Variants in MYO3A observed in about 807,000 individuals in gnomAD.
MYO3A encodes myosin IIIA, also known as myosin-IIIa.
Under a neutral mutation model 192.7 loss-of-function variants are expected in MYO3A, and 180 were observed. That is an observed-to-expected ratio of 0.93 (90% CI 0.83 to 1.06). The LOEUF (loss-of-function observed/expected upper bound fraction) is 1.06. Among genes scored for constraint, MYO3A ranks in the 50% least tolerant of loss-of-function variants. The pLI is 0.00. For missense variants in MYO3A, 1,896 were observed against 1,905.0 expected (o/e 1.00, Z 0.09); for synonymous variants, 628 against 645.3 (o/e 0.97, Z 0.41).
At chr10:26,021,775 G>A (rs1049496422) in intron 8 of MYO3A, 127 bp downstream of exon 8, 1 of 1,285,838 alleles carries the variant, frequency 7.8e-7, no homozygotes, top group African/African-American at 1.5e-5. Flanking sequence ...GAAGATCCTG[G>A]AATATTATTC....
chr10:25,993,232 A>T (rs185332854), intron 4 of MYO3A, among the ~76,000 whole-genome samples: 4,045 of 151,992 alleles, frequency 0.027, 82 homozygotes, highest in Middle Eastern at 0.054. Flanking sequence ...CCTGGTTTAG[A>T]CTTGGGAGGG....
At chr10:26,123,442 A>C (rs1588995870) in intron 18 of MYO3A, among the ~76,000 whole-genome samples, 1 of 152,214 alleles carries the variant, frequency 6.6e-6, no homozygotes, top group East Asian at 1.9e-4. Context: ...ATATGGAAGA[A>C]AAAAGTATTC....
intron 31 of MYO3A, among the ~76,000 whole-genome samples, chr10:26,180,291 A>G (rs937522566): frequency 2.0e-5 from 3 of 152,252 alleles, no homozygotes; most frequent in Non-Finnish European, 4.4e-5. Context: ...AACAGTTTTC[A>G]GTAAAATCCA....
intron 14 of MYO3A, among the ~76,000 whole-genome samples, chr10:26,081,133 T>TCTTCCCCCCCCCCCCC (rs1835904293): frequency 1.2e-5 from 1 of 84,940 alleles, no homozygotes; most frequent in Non-Finnish European, 2.5e-5. Flanking sequence ...TATATGCCCT[T>TCTTCCCCCCCCCCCCC]CCCCCCCCCC....
chr10:26,144,881 G>GT (rs886201536), intron 21 of MYO3A, among the ~76,000 whole-genome samples: 23 of 152,178 alleles, frequency 1.5e-4, no homozygotes, highest in African/African-American at 4.8e-4. Flanking sequence ...CACAACCTGT[G>GT]TTATAAACCC....
chr10:26,132,766 T>A (rs767461347), intron 20 of MYO3A, among the ~76,000 whole-genome samples: 7 of 152,168 alleles, frequency 4.6e-5, no homozygotes, highest in Non-Finnish European at 1.0e-4. Context: ...GAACTGAATG[T>A]CAGAAGTAGT....
intron 2 of MYO3A, among the ~76,000 whole-genome samples, chr10:25,937,302 C>T (rs1031245570): frequency 6.6e-6 from 1 of 152,188 alleles, no homozygotes; most frequent in Admixed American, 6.5e-5. Context: ...TCCTGCTTCA[C>T]TCATATATTT....
intron 17 of MYO3A, among the ~76,000 whole-genome samples, chr10:26,113,959 G>A (rs1479195717): frequency 6.6e-6 from 1 of 152,166 alleles, no homozygotes; most frequent in Admixed American, 6.5e-5. Context: ...TTGAACCTAA[G>A]AATAGAGAAC....
In MYO3A at chr10:26,212,209, C is replaced by T. The variant is rs12261671; in HGVS notation, c.*246C>T. The T allele has an allele frequency of 8.4e-3, 4,524 of 539,526 alleles. 164 individuals carry two copies. Among genetic ancestry groups the T allele is most frequent in the African/African-American group, 0.071 (3,787 of 53,156 alleles). The allele number at this position is 539,526 out of a possible 1,614,324, so 33.4% of individuals were successfully genotyped here. A position where few individuals can be genotyped will look rare whatever the true frequency, so the allele number is the denominator to read the frequency against. On this transcript the variant is annotated 3_prime_UTR_variant, in exon 35 of 35. Transcript: ENST00000642920. Reference sequence around the variant, plus strand: ...TCTCGGAACTCCCGCACCCTCCTTTCTCACCAGCCCGCCAGTTGTGGCAAC... The same window carrying T: ...TCTCGGAACTCCCGCACCCTCCTTTTTCACCAGCCCGCCAGTTGTGGCAAC...
intron 4 of MYO3A, among the ~76,000 whole-genome samples, chr10:25,992,342 A>G (rs963554662): frequency 6.6e-6 from 1 of 152,160 alleles, no homozygotes; most frequent in African/African-American, 2.4e-5. Context: ...AATGCTTGTG[A>G]TTTTTGCACA....
At chr10:25,964,607 C>T (rs1193896422) in intron 4 of MYO3A, among the ~76,000 whole-genome samples, 1 of 152,072 alleles carries the variant, frequency 6.6e-6, no homozygotes. Flanking sequence ...TTTGGTCTTT[C>T]TACATAGGAT....
At chr10:25,994,835 G>GC (rs1385794119) in intron 4 of MYO3A, among the ~76,000 whole-genome samples, 1 of 152,094 alleles carries the variant, frequency 6.6e-6, no homozygotes, top group Non-Finnish European at 1.5e-5. Context: ...TTGAATATTG[G>GC]CCCCCACTCT....
chr10:26,164,942 G>A (rs1841665975), intron 26 of MYO3A, among the ~76,000 whole-genome samples: 1 of 152,186 alleles, frequency 6.6e-6, no homozygotes, highest in Non-Finnish European at 1.5e-5. Flanking sequence ...GTCCTGAAGT[G>A]AGCAGGCCTA....
chr10:26,021,699 C>G (rs1264896358), intron 8 of MYO3A, 51 bp downstream of exon 8: 1 of 1,603,860 alleles, frequency 6.2e-7, no homozygotes, highest in Non-Finnish European at 8.5e-7. Context: ...TTACTTCCTC[C>G]AGCCACCAAG....
intron 17 of MYO3A, among the ~76,000 whole-genome samples, chr10:26,108,036 T>TAATA (rs1482999603): frequency 6.6e-6 from 1 of 152,232 alleles, no homozygotes; most frequent in Non-Finnish European, 1.5e-5. Flanking sequence ...CCCCAAGTAA[T>TAATA]AAACACTTCC....
chr10:26,056,650 A>G (rs896600360), intron 10 of MYO3A, among the ~76,000 whole-genome samples: 7 of 150,646 alleles, frequency 4.6e-5, no homozygotes, highest in African/African-American at 1.7e-4. Context: ...TGGCATTATT[A>G]CTGAGAAATA....
At chr10:26,125,673 G>GATCTA in intron 19 of MYO3A, 65 bp downstream of exon 19, 4 of 1,350,256 alleles carry the variant, frequency 3.0e-6, no homozygotes, top group Non-Finnish European at 4.2e-6. Context: ...CTTTCTAATT[G>GATCTA]ATTGTTTTGT....
chr10:26,072,846 C>T (rs1409298789), intron 14 of MYO3A, among the ~76,000 whole-genome samples: 1 of 152,188 alleles, frequency 6.6e-6, no homozygotes, highest in African/African-American at 2.4e-5. Context: ...TACAACCTAG[C>T]AGTTTTACTG....
chr10:26,000,392 A>C (rs544322030), intron 6 of MYO3A, among the ~76,000 whole-genome samples: 19 of 152,134 alleles, frequency 1.2e-4, no homozygotes, highest in Non-Finnish European at 2.4e-4. Flanking sequence ...CTGAGGCATC[A>C]CTCTGTTTGG....
Sources: gnomAD v4.1 joint callset for allele counts (sites outside exome capture counted in the v4.1 genomes callset) on GRCh38, gnomAD v4.1.1 for gene constraint, MANE v1.5 for transcripts, NCBI Gene and HGNC (gene_info 2026-07-23, HGNC 2026-07-21) for gene names.